ULK4: variants seen among roughly 807,000 people sequenced by gnomAD.
ULK4 encodes unc-51 like kinase 4.
Under a neutral mutation model 160.6 loss-of-function variants are expected in ULK4, and 133 were observed. The ratio of observed to expected loss-of-function variants is 0.83; its 90% CI spans 0.72 to 0.96. ULK4 has a LOEUF of 0.96. ULK4 is among the 40% of genes least tolerant of loss of function. ULK4 has a pLI of 0.00. For missense variants in ULK4, 1,580 were observed against 1,499.5 expected (o/e 1.05, Z -0.89); for synonymous variants, 534 against 539.8 (o/e 0.99, Z 0.15).
chr3:41,382,447 T>C (rs2081678803), intron 35 of ULK4, among the ~76,000 whole-genome samples: 1 of 152,252 alleles, frequency 6.6e-6, no homozygotes, highest in Non-Finnish European at 1.5e-5. Context: ...TTGATAAATG[T>C]TAGTTTCATA....
intron 32 of ULK4, among the ~76,000 whole-genome samples, chr3:41,498,532 T>G (rs12631455): frequency 0.87 from 132,556 of 151,764 alleles, 58,579 homozygotes; most frequent in Middle Eastern, 0.95. Context: ...AGAAATCAAT[T>G]AAACAGAAAA....
At chr3:41,349,479 C>T (rs887213876) in intron 35 of ULK4, among the ~76,000 whole-genome samples, 2 of 152,146 alleles carry the variant, frequency 1.3e-5, no homozygotes, top group Non-Finnish European at 2.9e-5. Flanking sequence ...AGTCTTATGC[C>T]TAAGTCTTCC....
chr3:41,419,210 T>C (rs2082601557), intron 34 of ULK4, among the ~76,000 whole-genome samples: 1 of 152,032 alleles, frequency 6.6e-6, no homozygotes, highest in South Asian at 2.1e-4. Context: ...ATAAAAATGT[T>C]GGGGGAAAAA....
At chr3:41,530,986 T>C (rs1309815038) in intron 32 of ULK4, among the ~76,000 whole-genome samples, 1 of 151,032 alleles carries the variant, frequency 6.6e-6, no homozygotes, top group Non-Finnish European at 1.5e-5. Context: ...ATGGTCTCGA[T>C]CTCTTGACCT....
intron 27 of ULK4, among the ~76,000 whole-genome samples, chr3:41,689,109 T>C (rs1053472091): frequency 6.6e-6 from 1 of 152,154 alleles, no homozygotes. Flanking sequence ...CCCTGCCAAA[T>C]AGCCTCCAAT....
At chr3:41,763,418 A>G (rs1465149363) in intron 21 of ULK4, among the ~76,000 whole-genome samples, 1 of 152,210 alleles carries the variant, frequency 6.6e-6, no homozygotes, top group African/African-American at 2.4e-5. Context: ...ACTAGCTAAA[A>G]TAATCAAGAA....
chr3:41,837,576 T>G (rs1271468278), intron 17 of ULK4, among the ~76,000 whole-genome samples: 3 of 152,062 alleles, frequency 2.0e-5, no homozygotes, highest in Non-Finnish European at 4.4e-5. Flanking sequence ...TTTTTTTTTT[T>G]TTTTCCAGAC....
At chr3:41,471,312 T>C (rs1191841894) in intron 32 of ULK4, among the ~76,000 whole-genome samples, 1 of 152,100 alleles carries the variant, frequency 6.6e-6, no homozygotes, top group Non-Finnish European at 1.5e-5. Flanking sequence ...CAACTGTAAA[T>C]ATATATGCAC....
chr3:41,377,180 G>C (rs1038827587), intron 35 of ULK4, among the ~76,000 whole-genome samples: 1 of 152,158 alleles, frequency 6.6e-6, no homozygotes, highest in Non-Finnish European at 1.5e-5. Context: ...ATAGTAGAAA[G>C]CTGAAACTGG....
intron 22 of ULK4, among the ~76,000 whole-genome samples, chr3:41,742,823 A>G (rs1454347280): frequency 6.6e-6 from 1 of 151,978 alleles, no homozygotes; most frequent in Non-Finnish European, 1.5e-5. Flanking sequence ...AATAACCGAA[A>G]TAAAAACCTC....
chr3:41,836,212 A>T (rs1227184558), intron 17 of ULK4, among the ~76,000 whole-genome samples: 1 of 151,896 alleles, frequency 6.6e-6, no homozygotes, highest in East Asian at 1.9e-4. Context: ...TTTTTTTTTA[A>T]CCCAGGCTGG....
At position 41,819,430 on chromosome 3, in the gene ULK4, C is replaced by G. The variant is rs755193023; in HGVS notation, c.1841G>C (p.Arg614Pro). The G allele has an allele frequency of 1.2e-6, 2 of 1,613,636 alleles. No homozygotes were observed. The highest frequency in any genetic ancestry group is 2.2e-5 in the East Asian group (1 of 44,854). The change falls in exon 19 of 37, where the codon CGG (arginine) becomes CCG (proline). Residue 614 changes from arginine (R) to proline (P), a missense_variant. By Grantham distance (103) the Arg-to-Pro change is moderately radical. Transcript: ENST00000301831. ...ACAACAAAGGAGCCTTACCCCTTCC[C>G]GAAGGCACCTCATTAGCACTGTGTA... is the stretch of plus-strand genomic sequence containing the variant. ...AAYTVLMRCLREGEERVVNHM... is the reference protein window; with the variant it reads ...AAYTVLMRCLPEGEERVVNHM...
intron 5 of ULK4, among the ~76,000 whole-genome samples, chr3:41,926,625 C>T (rs1012295937): frequency 6.7e-5 from 10 of 150,086 alleles, no homozygotes; most frequent in East Asian, 1.9e-4. Flanking sequence ...GAATTGCTAA[C>T]GAGAATAACC....
intron 17 of ULK4, among the ~76,000 whole-genome samples, chr3:41,881,236 T>TAA (rs1697504855): frequency 7.3e-6 from 1 of 136,146 alleles, no homozygotes; most frequent in Non-Finnish European, 1.5e-5. Context: ...TCTCAAATGG[T>TAA]AAAAATCACC....
At chr3:41,488,396 T>A (rs944390031) in intron 32 of ULK4, among the ~76,000 whole-genome samples, 1 of 152,208 alleles carries the variant, frequency 6.6e-6, no homozygotes, top group African/African-American at 2.4e-5. Context: ...CAGACCTGGA[T>A]TCTTCCTCAT....
At chr3:41,588,381 T>A (rs1002477210) in intron 31 of ULK4, among the ~76,000 whole-genome samples, 2 of 152,244 alleles carry the variant, frequency 1.3e-5, no homozygotes, top group Non-Finnish European at 2.9e-5. Flanking sequence ...AAAACGATTA[T>A]GCTTTGAATT....
chr3:41,820,184 C>A (rs17063599), intron 18 of ULK4, among the ~76,000 whole-genome samples: 1 of 151,954 alleles, frequency 6.6e-6, no homozygotes, highest in African/African-American at 2.4e-5. Context: ...ACGGAACATA[C>A]TCAAGATTGT....
chr3:41,431,302 C>T (rs889182827), intron 34 of ULK4, among the ~76,000 whole-genome samples: 3 of 151,224 alleles, frequency 2.0e-5, no homozygotes, highest in African/African-American at 7.3e-5. Flanking sequence ...GAACCAAGAT[C>T]GCGCCGCTGC....
intron 32 of ULK4, among the ~76,000 whole-genome samples, chr3:41,487,342 T>G (rs1464752051): frequency 1.3e-5 from 2 of 152,150 alleles, no homozygotes; most frequent in African/African-American, 2.4e-5. Flanking sequence ...CAAAGTTATG[T>G]TTTACAGTTG....
Sources: allele counts gnomAD v4.1 joint callset (sites outside exome capture counted in the v4.1 genomes callset), GRCh38; gene constraint gnomAD v4.1.1; transcripts MANE v1.5; gene names NCBI Gene and HGNC (gene_info 2026-07-23, HGNC 2026-07-21).